The following CLCN5 variants were observed in gnomAD, a reference collection of about 807,000 sequenced individuals.
CLCN5 encodes the protein Cl-/H+ antiporter 5.
In CLCN5, 17 loss-of-function variants were observed where a neutral mutation model predicts 54.0. The observed-to-expected ratio is 0.31, with a 90% CI of 0.22 to 0.47. The LOEUF is 0.47. Ranked by LOEUF, CLCN5 falls within the 20% of genes least tolerant of loss-of-function variation. The probability of loss-of-function intolerance (pLI) is 1.00; values close to 1 mark genes in which losing one functional copy is unlikely to be tolerated. For synonymous variants in CLCN5, 222 were observed against 233.0 expected, an observed-to-expected ratio of 0.95 and a Z score of 0.43; for missense variants, 448 against 646.7, an observed-to-expected ratio of 0.69 and a Z score of 3.33.
At chrX:50,055,098 C>G (rs1175745435) in intron 4 of CLCN5, among the ~76,000 whole-genome samples, 1 of 111,347 alleles carries the variant, frequency 9.0e-6, no homozygotes, top group Non-Finnish European at 1.9e-5. Context: ...CACTGATGAG[C>G]TTTTCTAAGG....
chrX:50,077,709 C>T (rs921711917), intron 7 of CLCN5, among the ~76,000 whole-genome samples: 1 of 94,602 alleles, frequency 1.1e-5, no homozygotes, highest in African/African-American at 3.9e-5. Flanking sequence ...TGGCCAGGCG[C>T]GGTGGCCTGT....
chrX:49,944,950 T>C (rs1281250483), intron 3 of CLCN5, among the ~76,000 whole-genome samples: 1 of 112,570 alleles, frequency 8.9e-6, no homozygotes, highest in Non-Finnish European at 1.9e-5. Flanking sequence ...GCGTCTGTTA[T>C]TACCTTTAAC....
intron 3 of CLCN5, among the ~76,000 whole-genome samples, chrX:49,980,185 T>C (rs782060530): frequency 6.3e-5 from 7 of 111,326 alleles, no homozygotes; most frequent in Non-Finnish European, 1.1e-4. Flanking sequence ...AATCTAATCC[T>C]ACTTTTAGGA....
At chrX:50,036,984 T>C (rs1311512523) in intron 3 of CLCN5, among the ~76,000 whole-genome samples, 2 of 112,277 alleles carry the variant, frequency 1.8e-5, no homozygotes, top group Non-Finnish European at 3.8e-5. Flanking sequence ...TTTTTGTAGG[T>C]TTGTCAAATG....
At chrX:49,961,916 G>A (rs138830114) in intron 3 of CLCN5, among the ~76,000 whole-genome samples, 2,501 of 111,883 alleles carry the variant, frequency 0.022, 22 homozygotes, top group Non-Finnish European at 0.03. Flanking sequence ...GAGATTTTAA[G>A]TGATTCTCCA....
chrX:49,946,183 A>G (rs1926731441), intron 3 of CLCN5, among the ~76,000 whole-genome samples: 1 of 112,464 alleles, frequency 8.9e-6, no homozygotes, highest in Admixed American at 9.4e-5. Context: ...TCTTTGTCCA[A>G]GTAATTAATA....
At chrX:50,033,385 G>C (rs1931823629) in intron 3 of CLCN5, among the ~76,000 whole-genome samples, 1 of 111,458 alleles carries the variant, frequency 9.0e-6, no homozygotes, top group Admixed American at 9.6e-5. Flanking sequence ...CAGACAAACA[G>C]AGAGCCAAAT....
chrX:50,090,514 G>T lies in CLCN5; in HGVS notation c.2143G>T (p.Glu715Ter). Residue 715 changes from glutamate (E) to a stop codon, truncating the protein, a stop_gained and splice_region_variant, in exon 13 of 15, where the codon GAA becomes TAA. Coordinates refer to ENST00000376091, the MANE Select transcript of CLCN5 (RefSeq NM_001127898.4). LOFTEE classifies it high-confidence loss of function. Reference sequence around the variant, plus strand: ...CCGAAGAGATCTCATTATTTCAATTGGTAAGGATTTCAGAAAGGGGATAGT... The same window carrying T: ...CCGAAGAGATCTCATTATTTCAATTTGTAAGGATTTCAGAAAGGGGATAGT... Reference protein sequence around the residue: ...VLRRDLIISIENARKKQDGVV... With the variant: ...VLRRDLIISI The T allele has an allele frequency of 8.3e-7, 1 of 1,204,045 alleles. No individual in the cohort carries two copies. The highest frequency in any genetic ancestry group is 1.8e-5 in the South Asian group (1 of 55,791).
At position 50,088,894 on chromosome X, in the gene CLCN5, G is replaced by A. The variant is rs1557194368; in HGVS notation, c.1744+10G>A. ...GCTGCAGCCTGCTTAGGTGAGTAGT[G>A]TTTGCATTAATTTCAAGTTGCTACC... is the stretch of plus-strand genomic sequence containing the variant. On this transcript the variant is annotated intron_variant, in intron 12 of 14. Transcript: ENST00000376091. The A allele has an allele frequency of 1.7e-6, 2 of 1,204,506 alleles. No individual in the cohort carries two copies. Among genetic ancestry groups the A allele is most frequent in the South Asian group, 1.8e-5 (1 of 56,782 alleles).
intron 3 of CLCN5, among the ~76,000 whole-genome samples, chrX:50,021,117 A>C (rs1931077351): frequency 1.2e-5 from 1 of 84,761 alleles, no homozygotes; most frequent in African/African-American, 7.1e-5. Flanking sequence ...ATGAGCATGG[A>C]ATGTTCTTCC....
chrX:49,932,133 C>T (rs1248171920), intron 3 of CLCN5, among the ~76,000 whole-genome samples: 3 of 111,563 alleles, frequency 2.7e-5, no homozygotes, highest in Admixed American at 9.5e-5. Flanking sequence ...CCAGGCTGGT[C>T]TCGAACTCCT....
rs782375635 is a variant in CLCN5 at position 50,098,385 on chromosome X, C to G, written c.*6166C>G. The G allele has an allele frequency of 8.9e-6, 1 of 112,247 alleles. No homozygotes were observed. Among genetic ancestry groups the G allele is most frequent in the South Asian group, 3.8e-4 (1 of 2,643 alleles). 9.3% of individuals were successfully genotyped at this position (112,247 alleles called of 1,213,427 possible). The stretch of plus-strand genomic sequence containing the variant: ...GCCAGCCTCCTGTTCTTACCTCTGC[C>G]CATTCATTTCTGGCTATGGGAAAAC... On this transcript the variant is annotated 3_prime_UTR_variant, in exon 15 of 15. Coordinates refer to ENST00000376091, the MANE Select transcript of CLCN5 (RefSeq NM_001127898.4).
At position 50,090,786 on chromosome X, in the gene CLCN5, G is replaced by A. The variant is rs781887215; in HGVS notation, c.2260G>A (p.Asp754Asn). Reference sequence around the variant, plus strand: ...CACTCTAAAGCTTCGGAACATCCTCGATCTCAGCCCCTTCACTGTGACTGA... The same window carrying A: ...CACTCTAAAGCTTCGGAACATCCTCAATCTCAGCCCCTTCACTGTGACTGA... ...PPTLKLRNILDLSPFTVTDLT... is the reference protein window; with the variant it reads ...PPTLKLRNILNLSPFTVTDLT... The change falls in exon 14 of 15, where the codon GAT becomes AAT. Residue 754 changes from aspartate to asparagine, a missense_variant. By Grantham distance (23) the Asp-to-Asn change is conservative. Coordinates refer to ENST00000376091, the MANE Select transcript of CLCN5 (RefSeq NM_001127898.4). 8 of 1,210,829 alleles carry A rather than the reference G, an allele frequency of 6.6e-6. No homozygotes were observed. Among genetic ancestry groups the A allele is most frequent in the Non-Finnish European group, 8.9e-6 (8 of 894,925 alleles).
rs782759413 is a variant in CLCN5 at position 50,025,484 on chromosome X, C to G, written c.17-16832C>G. On this transcript the variant is annotated intron_variant, in intron 3 of 14. Coordinates refer to ENST00000376091, the MANE Select transcript of CLCN5 (RefSeq NM_001127898.4). ...GCTGTAGACCGGAGCTGTTCCTATT[C>G]GGCCATCTTGGCTCCTCCCCCTACA... Among the ~76,000 whole-genome samples, 8 of 110,339 alleles carry G rather than the reference C, an allele frequency of 7.3e-5. No homozygotes were observed. In the South Asian group the frequency reaches 3.2e-3, roughly 44 times the overall value.
At chrX:49,978,635 T>C (rs782089429) in intron 3 of CLCN5, among the ~76,000 whole-genome samples, 2 of 113,098 alleles carry the variant, frequency 1.8e-5, no homozygotes, top group Non-Finnish European at 3.7e-5. Flanking sequence ...TCCTTTCTTA[T>C]ACAGTTTTGA....
chrX:50,051,843 A>G (rs782006700), intron 4 of CLCN5, among the ~76,000 whole-genome samples: 3 of 111,476 alleles, frequency 2.7e-5, no homozygotes, highest in African/African-American at 6.5e-5. Flanking sequence ...AAAGCAATTG[A>G]CTTTTGTATA....
intron 4 of CLCN5, among the ~76,000 whole-genome samples, chrX:50,047,517 C>T (rs782521307): frequency 5.4e-5 from 6 of 111,002 alleles, no homozygotes; most frequent in Non-Finnish European, 7.6e-5. Flanking sequence ...ATTAGGAAAA[C>T]GGCCAAATTT....
chrX:49,952,638 G>A (rs149753733), intron 3 of CLCN5, among the ~76,000 whole-genome samples: 1,379 of 111,142 alleles, frequency 0.012, 16 homozygotes, highest in African/African-American at 0.042. Context: ...ATTCTAAAAT[G>A]TTAAAGCTAC....
chrX:50,093,278 C>T lies in CLCN5; in HGVS notation c.*1059C>T, dbSNP rs1204192771. ...TCATGCATTCCTTTGTAAAGACCAC[C>T]AGTACTAAAATAACTGGACACTCAT... is the stretch of plus-strand genomic sequence containing the variant. On this transcript the variant is annotated 3_prime_UTR_variant, in exon 15 of 15. Transcript: ENST00000376091. 1 of 112,105 alleles carries T rather than the reference C, an allele frequency of 8.9e-6. No homozygotes were observed. Among genetic ancestry groups the T allele is most frequent in the Non-Finnish European group, 1.9e-5 (1 of 53,202 alleles). The allele number at this position is 112,105 out of a possible 1,213,427, so 9.2% of individuals were successfully genotyped here. A position where few individuals can be genotyped will look rare whatever the true frequency, so the allele number is the denominator to read the frequency against.
Sources: allele counts gnomAD v4.1 joint callset (sites outside exome capture counted in the v4.1 genomes callset), GRCh38; gene constraint gnomAD v4.1.1; transcripts MANE v1.5; gene names NCBI Gene and HGNC (gene_info 2026-07-23, HGNC 2026-07-21).